Variants in BRAF observed in about 807,000 individuals in gnomAD.
The protein encoded by BRAF is B-Raf proto-oncogene, serine/threonine kinase.
In BRAF, 16 loss-of-function variants were observed where a neutral mutation model predicts 104.6. That is an observed-to-expected ratio of 0.15 (90% CI 0.10 to 0.23). The LOEUF is 0.23. Among genes scored for constraint, BRAF ranks in the 10% least tolerant of loss-of-function variants. The probability of loss-of-function intolerance (pLI) is 1.00; values close to 1 mark genes in which losing one functional copy is unlikely to be tolerated. For missense variants in BRAF, 541 were observed against 937.3 expected (o/e 0.58, Z 5.52); for synonymous variants, 310 against 341.6 (o/e 0.91, Z 1.02).
intron 1 of BRAF, among the ~76,000 whole-genome samples, chr7:140,900,493 T>C (rs941912994): frequency 6.6e-6 from 1 of 152,222 alleles, no homozygotes; most frequent in African/African-American, 2.4e-5. Flanking sequence ...CCAACTAATC[T>C]GCCACAAGAG....
At chr7:140,818,720 A>G (rs966421524) in intron 3 of BRAF, among the ~76,000 whole-genome samples, 4 of 152,226 alleles carry the variant, frequency 2.6e-5, no homozygotes, top group African/African-American at 9.6e-5. Context: ...AAAACAGGCA[A>G]TTATCTTTAC....
In BRAF at chr7:140,721,647, CTGGGGCT is replaced by C; in HGVS notation, c.*4840_*4846del. On this transcript the variant is annotated 3_prime_UTR_variant, in exon 20 of 20. Coordinates refer to ENST00000644969, the MANE Select transcript of BRAF (RefSeq NM_001374258.1). ...GAGGCAGAGATGCTACTACCCTCTT[CTGGGGCT>C]CAACTACCGATGGGCATCAGTAATC... 6.5e-7 allele frequency: 1 copy of C among 1,535,618 alleles called. No individual in the cohort carries two copies. The highest frequency in any genetic ancestry group is 8.7e-7 in the Non-Finnish European group (1 of 1,146,604).
At position 140,924,749 on chromosome 7, in the gene BRAF, A is replaced by T. The variant is rs1818696652; in HGVS notation, c.-46T>A. The T allele has an allele frequency of 1.4e-6, 1 of 690,758 alleles. No homozygotes were observed. Among genetic ancestry groups the T allele is most frequent in the African/African-American group, 1.9e-5 (1 of 51,852 alleles). 42.8% of individuals were successfully genotyped at this position (690,758 alleles called of 1,614,324 possible). ...CCCGAGCGGCCGCTGTCGGGCGGGGAGGGGGAAGGGAGGCGGAGAGCTGGG... is the reference window on the plus strand; with the variant it reads ...CCCGAGCGGCCGCTGTCGGGCGGGGTGGGGGAAGGGAGGCGGAGAGCTGGG... On this transcript the variant is annotated 5_prime_UTR_variant, in exon 1 of 20. Coordinates refer to ENST00000644969, the MANE Select transcript of BRAF (RefSeq NM_001374258.1). This position sits in a 1 kb window ranked among gnomAD's most constrained non-coding sequence, Gnocchi z 4.2.
At chr7:140,866,396 C>T (rs542227235) in intron 1 of BRAF, among the ~76,000 whole-genome samples, 7 of 152,302 alleles carry the variant, frequency 4.6e-5, no homozygotes, top group Admixed American at 4.6e-4. Flanking sequence ...GTGGGAAACA[C>T]TGTCACAAAT....
At chr7:140,764,301 A>C (rs1487895303) in intron 14 of BRAF, among the ~76,000 whole-genome samples, 1 of 151,504 alleles carries the variant, frequency 6.6e-6, no homozygotes, top group Admixed American at 6.6e-5. Flanking sequence ...CGTATCTCAA[A>C]ATATTAAGAG....
At position 140,726,281 on chromosome 7, in the gene BRAF, T is replaced by C. The variant is rs1417047031; in HGVS notation, c.*213A>G. 5 of 1,412,832 alleles carry C rather than the reference T, an allele frequency of 3.5e-6. No individual in the cohort carries two copies. The highest frequency in any genetic ancestry group is 4.6e-6 in the Non-Finnish European group (5 of 1,091,168). 87.5% of individuals were successfully genotyped at this position (1,412,832 alleles called of 1,614,324 possible). On this transcript the variant is annotated 3_prime_UTR_variant, in exon 20 of 20. Coordinates refer to ENST00000644969, the MANE Select transcript of BRAF (RefSeq NM_001374258.1). ...GACTTGTATGCTCGTGGTATTTTTG[T>C]TGAAGAAACACTGGCAGCAGAGAAT... is the stretch of plus-strand genomic sequence containing the variant.
chr7:140,736,338 G>C (rs536660585), intron 18 of BRAF, among the ~76,000 whole-genome samples: 5 of 151,994 alleles, frequency 3.3e-5, no homozygotes, highest in African/African-American at 4.8e-5. Flanking sequence ...CAAAGTGCTG[G>C]GATTACAGGT....
intron 1 of BRAF, among the ~76,000 whole-genome samples, chr7:140,863,377 G>A (rs1810614954): frequency 1.3e-5 from 2 of 152,168 alleles, no homozygotes; most frequent in African/African-American, 4.8e-5. Context: ...GTAGAAACAA[G>A]ATGGGTATCA....
intron 14 of BRAF, among the ~76,000 whole-genome samples, chr7:140,754,994 T>C (rs1798083347): frequency 6.6e-6 from 1 of 152,204 alleles, no homozygotes; most frequent in African/African-American, 2.4e-5. Flanking sequence ...GCTACATTCA[T>C]TGAAGTAAAA....
intron 3 of BRAF, among the ~76,000 whole-genome samples, chr7:140,811,694 A>T (rs1804282338): frequency 6.6e-6 from 1 of 152,196 alleles, no homozygotes; most frequent in South Asian, 2.1e-4. Context: ...TGTACAAAAA[A>T]TTTAGTTTGG....
At chr7:140,833,060 G>C (rs532571141) in intron 3 of BRAF, among the ~76,000 whole-genome samples, 3 of 151,958 alleles carry the variant, frequency 2.0e-5, no homozygotes, top group Admixed American at 1.3e-4. Context: ...ATTTTTAGTA[G>C]AGCCAAGGTT....
chr7:140,843,013 G>A (rs1217983606), intron 2 of BRAF, among the ~76,000 whole-genome samples: 1 of 152,060 alleles, frequency 6.6e-6, no homozygotes, highest in Non-Finnish European at 1.5e-5. Context: ...ACTTAAAAGG[G>A]GTTTCTGTTG....
chr7:140,808,351 C>CAAAAAAA, intron 4 of BRAF: 1 of 197,426 alleles, frequency 5.1e-6, no homozygotes, highest in Non-Finnish European at 9.0e-6. Context: ...TCCTGGGGTC[C>CAAAAAAA]AAAAAAAAAA....
At chr7:140,740,169 G>C (rs1453895564) in intron 17 of BRAF, 1 of 521,148 alleles carries the variant, frequency 1.9e-6, no homozygotes, top group East Asian at 3.4e-5. Context: ...TGTGGCAAAG[G>C]TTCTCTAATT....
chr7:140,777,142 C>G, intron 13 of BRAF, 54 bp from the exon 13 acceptor site: 2 of 1,583,496 alleles, frequency 1.3e-6, no homozygotes, highest in South Asian at 2.2e-5. Context: ...TTTAGCAATT[C>G]TTACAAAAGA....
intron 1 of BRAF, among the ~76,000 whole-genome samples, chr7:140,880,261 CA>C (rs2129102716): frequency 6.6e-6 from 1 of 152,310 alleles, no homozygotes; most frequent in African/African-American, 2.4e-5. Context: ...GCATCTTCAG[CA>C]GGAGTAAACC....
intron 18 of BRAF, among the ~76,000 whole-genome samples, chr7:140,738,805 C>T (rs1040345942): frequency 3.3e-5 from 5 of 151,862 alleles, no homozygotes; most frequent in Non-Finnish European, 7.4e-5. Context: ...TTAGTAGAGA[C>T]GGTTTTCACC....
chr7:140,923,864 C>A (rs990276357), intron 1 of BRAF, among the ~76,000 whole-genome samples: 2 of 152,012 alleles, frequency 1.3e-5, no homozygotes, highest in Admixed American at 6.6e-5. Flanking sequence ...GGAAAATGAG[C>A]GGGCGGTAGA....
intron 1 of BRAF, among the ~76,000 whole-genome samples, chr7:140,875,874 A>G (rs1311850017): frequency 6.6e-6 from 1 of 152,254 alleles, no homozygotes; most frequent in Non-Finnish European, 1.5e-5. Flanking sequence ...ATCATAAAAC[A>G]AAGATATTTT....
Sources: gnomAD v4.1 joint callset for allele counts (sites outside exome capture counted in the v4.1 genomes callset) on GRCh38, gnomAD v4.1.1 for gene constraint, Gnocchi (gnomAD v3.1) non-coding constraint, MANE v1.5 for transcripts, NCBI Gene and HGNC (gene_info 2026-07-23, HGNC 2026-07-21) for gene names.